The following RIPOR3 variants were observed in gnomAD, a reference collection of about 807,000 sequenced individuals.
The protein encoded by RIPOR3 is family with sequence similarity 65 member C.
A neutral mutation model predicts 114.3 loss-of-function variants in RIPOR3; 95 were observed. The observed-to-expected ratio is 0.83, with a 90% CI of 0.70 to 0.99. RIPOR3 has a LOEUF of 0.99. Among genes scored for constraint, RIPOR3 ranks in the 50% least tolerant of loss-of-function variants. RIPOR3 has a pLI of 0.00. For missense variants in RIPOR3, 1,252 were observed against 1,266.9 expected, an observed-to-expected ratio of 0.99 and a Z score of 0.18; for synonymous variants, 575 against 543.8, an observed-to-expected ratio of 1.06 and a Z score of -0.80.
intron 1 of RIPOR3, among the ~76,000 whole-genome samples, chr20:50,675,905 A>T (rs1490940181): frequency 6.6e-6 from 1 of 152,196 alleles, no homozygotes. Flanking sequence ...GCCAGCATCG[A>T]TGGTGCAGGG....
intron 19 of RIPOR3, among the ~76,000 whole-genome samples, chr20:50,590,689 G>T (rs2083080500): frequency 6.6e-6 from 1 of 152,182 alleles, no homozygotes; most frequent in East Asian, 1.9e-4. Context: ...TAACCCCAGG[G>T]TCCCAGGTCA....
Position 50,587,175 on chromosome 20 carries a change from AGGCTGG to A in RIPOR3, c.*51_*56del. 1.5e-6 allele frequency: 2 copies of A among 1,364,544 alleles called. No homozygotes were observed. The highest frequency in any genetic ancestry group is 3.4e-5 in the Admixed American group (2 of 58,184). The allele number at this position is 1,364,544 out of a possible 1,614,324, so 84.5% of individuals were successfully genotyped here. On this transcript the variant is annotated 3_prime_UTR_variant, in exon 22 of 22. Transcript: ENST00000327979. Reference sequence around the variant, plus strand: ...ATTACCCAGAGTGCAGGCTATGTCCAGGCTGGGCAGCAGCAAAAAAAACGATGTGAG... The same window carrying A: ...ATTACCCAGAGTGCAGGCTATGTCCAGCAGCAGCAAAAAAAACGATGTGAG...
In RIPOR3 at chr20:50,587,810, A is replaced by C; in HGVS notation, c.2744T>G (p.Leu915Arg). 6.2e-7 allele frequency: 1 copy of C among 1,614,156 alleles called. No individual in the cohort carries two copies. Among genetic ancestry groups the C allele is most frequent in the Non-Finnish European group, 8.5e-7 (1 of 1,180,022 alleles). Residue 915 changes from leucine to arginine, a missense_variant, in exon 21 of 22, where the codon CTG (leucine) becomes CGG (arginine). Physicochemically the swap from Leu to Arg is moderately radical, Grantham distance 102. Transcript: ENST00000327979. ...AVRAAARETT[L>R]SFGEKGRLAF... is the part of the protein sequence containing the mutation. ...TTTGTGCCACTTTTTACCGAACGAC[A>C]GTGTGGTTTCCCGGGCTGCCGCCCG...
In RIPOR3 at chr20:50,608,938, G is replaced by T; in HGVS notation, c.658C>A (p.Arg220Ser). The change falls in exon 9 of 22, where the codon CGC (arginine) becomes AGC (serine). Residue 220 changes from arginine to serine, a missense_variant. By Grantham distance (110) the Arg-to-Ser change is moderately radical. Coordinates refer to ENST00000327979, the MANE Select transcript of RIPOR3 (RefSeq NM_001290268.2). ...IRMKGLVGYA[R>S]LCPGDHYEVL... ...TCATAGTGGTCTCCGGGACAGAGGC[G>T]TGCGTAGCCCACCAAGCCTGGAACA... 1 of 1,586,436 alleles carries T rather than the reference G, an allele frequency of 6.3e-7. No individual in the cohort carries two copies. The highest frequency in any genetic ancestry group is 1.1e-5 in the South Asian group (1 of 87,322).
At chr20:50,666,238 TCACGC>T (rs1351880414) in intron 1 of RIPOR3, among the ~76,000 whole-genome samples, 1 of 135,696 alleles carries the variant, frequency 7.4e-6, no homozygotes, top group African/African-American at 3.0e-5. Context: ...TGAGACGGAG[TCACGC>T]TCTGTTGCCC....
At chr20:50,590,878 A>C (rs1349437717) in intron 19 of RIPOR3, among the ~76,000 whole-genome samples, 1 of 151,158 alleles carries the variant, frequency 6.6e-6, no homozygotes, top group Admixed American at 6.6e-5. Context: ...GCAGTAGCAC[A>C]ATCTCGGCTC....
intron 1 of RIPOR3, among the ~76,000 whole-genome samples, chr20:50,655,368 G>A (rs1026113144): frequency 6.6e-6 from 1 of 152,168 alleles, no homozygotes; most frequent in African/African-American, 2.4e-5. Context: ...TTGTCCCCCT[G>A]CCCAGCGCCC....
intron 1 of RIPOR3, among the ~76,000 whole-genome samples, chr20:50,671,912 AGATGGATG>A (rs145609490): frequency 1.1e-4 from 16 of 142,738 alleles, no homozygotes; most frequent in South Asian, 2.3e-4. Context: ...AAGGAAGAAA[AGATGGATG>A]GATGGATGGA....
In RIPOR3 at chr20:50,608,714, G is replaced by T; in HGVS notation, c.709C>A (p.Arg237Ser). 1 of 1,613,872 alleles carries T rather than the reference G, an allele frequency of 6.2e-7. No homozygotes were observed. Among genetic ancestry groups the T allele is most frequent in the Non-Finnish European group, 8.5e-7 (1 of 1,179,938 alleles). The stretch of plus-strand genomic sequence containing the variant: ...TCGATCCGACCCTTGAGCTTCCAAC[G>T]CTGGCGGCCCAGACGCATGAGCACC... Reference protein sequence around the residue: ...YEVLMRLGRQRWKLKGRIESD... With the variant: ...YEVLMRLGRQSWKLKGRIESD... The change falls in exon 10 of 22, where the codon CGT becomes AGT. Residue 237 changes from arginine to serine, a missense_variant. Physicochemically the swap from Arg to Ser is moderately radical, Grantham distance 110 (BLOSUM62 -1). Coordinates refer to ENST00000327979, the MANE Select transcript of RIPOR3 (RefSeq NM_001290268.2).
At chr20:50,652,934 G>C (rs984620841) in intron 1 of RIPOR3, among the ~76,000 whole-genome samples, 1 of 152,184 alleles carries the variant, frequency 6.6e-6, no homozygotes, top group African/African-American at 2.4e-5. Flanking sequence ...ATGTAAATAC[G>C]ACCCAGCAGT....
At chr20:50,686,780 G>T (rs2087042161) in intron 1 of RIPOR3, among the ~76,000 whole-genome samples, 1 of 151,802 alleles carries the variant, frequency 6.6e-6, no homozygotes, top group Admixed American at 6.6e-5. Flanking sequence ...AGAAAAAAAA[G>T]TGCACGTTTT....
chr20:50,671,653 G>C (rs2086500566), intron 1 of RIPOR3, among the ~76,000 whole-genome samples: 2 of 152,226 alleles, frequency 1.3e-5, no homozygotes, highest in Admixed American at 6.5e-5. Context: ...ATCTGAAAAT[G>C]GGCATAATAG....
At chr20:50,620,251 G>C in intron 2 of RIPOR3, 119 bp from the exon 3 acceptor site, 2 of 1,221,550 alleles carry the variant, frequency 1.6e-6, no homozygotes, top group Non-Finnish European at 2.3e-6. Flanking sequence ...ACCCGGCTCA[G>C]TCCCACCCCC....
chr20:50,606,114 G>C (rs2083704773), intron 11 of RIPOR3, among the ~76,000 whole-genome samples: 1 of 152,232 alleles, frequency 6.6e-6, no homozygotes, highest in Non-Finnish European at 1.5e-5. Flanking sequence ...GCTGAGGCTG[G>C]GGAATCGCTT....
At position 50,609,632 on chromosome 20, in the gene RIPOR3, T is replaced by G; in HGVS notation, c.517A>C (p.Ser173Arg). ...MQRAFARCPP[S>R]RAARESLQEL... ...TGCAGGCTCTCTCGGGCTGCGCGGC[T>G]CGGGGGGCACCGGGCGAAGGCCCGC... Residue 173 changes from serine to arginine, a missense_variant, in exon 7 of 22, where the codon AGC becomes CGC. By Grantham distance (110) the Ser-to-Arg change is moderately radical. Transcript: ENST00000327979. The G allele has an allele frequency of 7.1e-7, 1 of 1,401,776 alleles. No individual in the cohort carries two copies. The highest frequency in any genetic ancestry group is 1.9e-4 in the Middle Eastern group (1 of 5,226). The allele number at this position is 1,401,776 out of a possible 1,614,324, so 86.8% of individuals were successfully genotyped here. A position where few individuals can be genotyped will look rare whatever the true frequency, so the allele number is the denominator to read the frequency against.
chr20:50,603,487 C>A (rs2083579045), intron 12 of RIPOR3, among the ~76,000 whole-genome samples: 1 of 152,212 alleles, frequency 6.6e-6, no homozygotes, highest in Non-Finnish European at 1.5e-5. Context: ...GATCCACCCG[C>A]CTCGGCCTCT....
chr20:50,600,710 A>G (rs1441349797), intron 13 of RIPOR3, among the ~76,000 whole-genome samples: 8 of 152,124 alleles, frequency 5.3e-5, no homozygotes, highest in Admixed American at 5.2e-4. Flanking sequence ...CAGTGAGCCA[A>G]GATTGCACCA....
At chr20:50,594,424 G>T in intron 17 of RIPOR3, 129 bp downstream of exon 17, 1 of 1,156,054 alleles carries the variant, frequency 8.7e-7, no homozygotes, top group Non-Finnish European at 1.2e-6. Flanking sequence ...AAGCTCCTCC[G>T]TCCGATGGCA....
At chr20:50,690,318 C>T (rs375102784) in intron 1 of RIPOR3, among the ~76,000 whole-genome samples, 145 of 152,356 alleles carry the variant, frequency 9.5e-4, no homozygotes, top group African/African-American at 3.0e-3. Context: ...TAACCCTCTT[C>T]TCTCATGCCC....
Sources: gnomAD v4.1 joint callset for allele counts (sites outside exome capture counted in the v4.1 genomes callset) on GRCh38, gnomAD v4.1.1 for gene constraint, MANE v1.5 for transcripts, NCBI Gene and HGNC (gene_info 2026-07-23, HGNC 2026-07-21) for gene names.